Variants in DLG2 observed in about 807,000 individuals in gnomAD.
The protein encoded by DLG2 is disks large homolog 2.
In DLG2, 45 loss-of-function variants were observed where a neutral mutation model predicts 132.5. The observed-to-expected ratio is 0.34, with a 90% CI of 0.27 to 0.44. The LOEUF is 0.44. Ranked by LOEUF, DLG2 falls within the 20% of genes least tolerant of loss-of-function variation. The probability of loss-of-function intolerance (pLI) is 1.00; values close to 1 mark genes in which losing one functional copy is unlikely to be tolerated. For missense variants in DLG2, 1,045 were observed against 1,196.9 expected, an observed-to-expected ratio of 0.87 and a Z score of 1.87; for synonymous variants, 424 against 419.6, an observed-to-expected ratio of 1.01 and a Z score of -0.13.
At chr11:83,600,207 A>T (rs2058298818) in intron 19 of DLG2, among the ~76,000 whole-genome samples, 1 of 150,502 alleles carries the variant, frequency 6.6e-6, no homozygotes, top group South Asian at 2.1e-4. Flanking sequence ...AAAGATGAGG[A>T]AAAGATGAGT....
intron 6 of DLG2, among the ~76,000 whole-genome samples, chr11:84,748,278 T>C (rs1448872763): frequency 1.3e-5 from 2 of 152,190 alleles, no homozygotes; most frequent in East Asian, 1.9e-4. Flanking sequence ...CACTGAGACC[T>C]TCTGAATAAC....
At chr11:84,778,320 T>C (rs2071075196) in intron 6 of DLG2, among the ~76,000 whole-genome samples, 2 of 152,174 alleles carry the variant, frequency 1.3e-5, no homozygotes, top group South Asian at 4.1e-4. Context: ...CATGTGTCTT[T>C]TTATTTTTAT....
At chr11:85,260,421 A>G (rs1195162074) in intron 4 of DLG2, among the ~76,000 whole-genome samples, 1 of 152,138 alleles carries the variant, frequency 6.6e-6, no homozygotes, top group Non-Finnish European at 1.5e-5. Context: ...TAACTTCAAC[A>G]CTTTTGTTCT....
chr11:85,508,379 C>T (rs924563394), intron 3 of DLG2, among the ~76,000 whole-genome samples: 14 of 152,004 alleles, frequency 9.2e-5, no homozygotes, highest in African/African-American at 3.4e-4. Context: ...CTTGCTATTC[C>T]CTCTGCCTGA....
chr11:83,936,086 G>A (rs2081369908), intron 14 of DLG2, among the ~76,000 whole-genome samples: 1 of 152,158 alleles, frequency 6.6e-6, no homozygotes, highest in African/African-American at 2.4e-5. Context: ...GAAAATGTTG[G>A]TCCCCTTTGT....
At chr11:84,183,394 G>A (rs962477747) in intron 8 of DLG2, among the ~76,000 whole-genome samples, 1 of 152,036 alleles carries the variant, frequency 6.6e-6, no homozygotes, top group Non-Finnish European at 1.5e-5. Context: ...AGGCCTGTGT[G>A]TGTGTTAGGT....
At chr11:85,585,748 C>T (rs1248436511) in intron 3 of DLG2, among the ~76,000 whole-genome samples, 1 of 150,162 alleles carries the variant, frequency 6.7e-6, no homozygotes, top group Non-Finnish European at 1.5e-5. Flanking sequence ...GAGTCTCACT[C>T]TGTCACCCAG....
At chr11:85,505,734 G>A (rs118093956) in intron 3 of DLG2, among the ~76,000 whole-genome samples, 5,404 of 152,230 alleles carry the variant, frequency 0.035, 144 homozygotes, top group Admixed American at 0.053. Flanking sequence ...CTGGCCTCAT[G>A]AAATGAGTTA....
At chr11:83,947,877 A>G (rs2084451034) in intron 14 of DLG2, among the ~76,000 whole-genome samples, 1 of 152,138 alleles carries the variant, frequency 6.6e-6, no homozygotes, top group Non-Finnish European at 1.5e-5. Flanking sequence ...CTAATTGTCA[A>G]AGGCGAAATC....
intron 6 of DLG2, among the ~76,000 whole-genome samples, chr11:85,099,526 T>C (rs1327329546): frequency 6.6e-6 from 1 of 152,194 alleles, no homozygotes; most frequent in Non-Finnish European, 1.5e-5. Flanking sequence ...TAATAATTAT[T>C]ACTAAGAGTA....
chr11:84,467,093 T>A (rs1041499546), intron 7 of DLG2, among the ~76,000 whole-genome samples: 2 of 151,368 alleles, frequency 1.3e-5, no homozygotes, highest in African/African-American at 4.8e-5. Context: ...TCTTGGTGTC[T>A]ATTTATCATT....
intron 2 of DLG2, 111 bp downstream of exon 2, chr11:85,626,476 T>C (rs1307245652): frequency 2.0e-5 from 3 of 152,204 alleles, no homozygotes; most frequent in Admixed American, 2.0e-4. Flanking sequence ...ACTGAAACTA[T>C]ATTACAATAA....
intron 19 of DLG2, among the ~76,000 whole-genome samples, chr11:83,558,597 C>T (rs1178490007): frequency 6.6e-6 from 1 of 152,138 alleles, no homozygotes; most frequent in Non-Finnish European, 1.5e-5. Flanking sequence ...ACAAGGTTCA[C>T]AGACATCAAT....
intron 9 of DLG2, among the ~76,000 whole-genome samples, chr11:84,150,076 T>C (rs941607093): frequency 6.6e-6 from 1 of 152,174 alleles, no homozygotes; most frequent in Non-Finnish European, 1.5e-5. Flanking sequence ...TTTAGATTAG[T>C]ATTTTCTTAT....
intron 6 of DLG2, among the ~76,000 whole-genome samples, chr11:84,642,705 C>T (rs895744742): frequency 6.6e-6 from 1 of 152,168 alleles, no homozygotes; most frequent in African/African-American, 2.4e-5. Context: ...CCCCACTCTA[C>T]ATGGACAGTT....
At chr11:84,293,888 C>T (rs2098046738) in intron 7 of DLG2, among the ~76,000 whole-genome samples, 1 of 152,094 alleles carries the variant, frequency 6.6e-6, no homozygotes, top group Non-Finnish European at 1.5e-5. Context: ...CCCAATTATG[C>T]AATAACTAGA....
chr11:85,002,422 T>C (rs906944464), intron 6 of DLG2, among the ~76,000 whole-genome samples: 2 of 152,182 alleles, frequency 1.3e-5, no homozygotes, highest in African/African-American at 4.8e-5. Flanking sequence ...GCTTTAAAGA[T>C]GATATGCTAG....
At chr11:85,101,754 G>A (rs374890853) in intron 6 of DLG2, among the ~76,000 whole-genome samples, 1 of 152,026 alleles carries the variant, frequency 6.6e-6, no homozygotes, top group Non-Finnish European at 1.5e-5. Flanking sequence ...CCATCTCTGG[G>A]AGAACATTTC....
intron 3 of DLG2, among the ~76,000 whole-genome samples, chr11:85,368,525 T>C (rs1185951118): frequency 6.6e-6 from 1 of 152,224 alleles, no homozygotes; most frequent in Non-Finnish European, 1.5e-5. Context: ...TATCATTATC[T>C]CTCACCCGGA....
Sources: gnomAD v4.1 joint callset for allele counts (sites outside exome capture counted in the v4.1 genomes callset) on GRCh38, gnomAD v4.1.1 for gene constraint, MANE v1.5 for transcripts, NCBI Gene and HGNC (gene_info 2026-07-23, HGNC 2026-07-21) for gene names.